The following CRADD variants were observed in gnomAD, a reference collection of about 807,000 sequenced individuals.
The protein encoded by CRADD is CARD and death domain containing adaptor protein.
CRADD carries 9 observed loss-of-function variants against 15.5 expected under a neutral mutation model. The ratio of observed to expected loss-of-function variants is 0.58; its 90% CI spans 0.35 to 1.01. The LOEUF (loss-of-function observed/expected upper bound fraction) is 1.01, where lower values mean the gene tolerates loss of function less well. Ranked by LOEUF, CRADD falls within the 50% of genes least tolerant of loss-of-function variation. The pLI is 0.02. For synonymous variants in CRADD, 118 were observed against 107.6 expected (o/e 1.10, Z -0.60); for missense variants, 227 against 250.3 (o/e 0.91, Z 0.63).
chr12:93,774,252 A>T (rs916063626), intron 2 of CRADD, among the ~76,000 whole-genome samples: 8 of 152,168 alleles, frequency 5.3e-5, no homozygotes, highest in Admixed American at 6.5e-5. Context: ...ATATAGTAAT[A>T]CTTGTTGAAT....
At chr12:93,747,828 C>T (rs971245940) in intron 2 of CRADD, among the ~76,000 whole-genome samples, 1 of 152,008 alleles carries the variant, frequency 6.6e-6, no homozygotes, top group African/African-American at 2.4e-5. Flanking sequence ...GGTGGCCTTA[C>T]ACTTCCCTCT....
At chr12:93,799,765 G>A (rs930185051) in intron 2 of CRADD, among the ~76,000 whole-genome samples, 22 of 152,190 alleles carry the variant, frequency 1.4e-4, no homozygotes, top group Admixed American at 1.3e-3. Flanking sequence ...TCTCATTGCT[G>A]TAGGGGTATA....
At chr12:93,791,100 A>T (rs1957344498) in intron 2 of CRADD, among the ~76,000 whole-genome samples, 1 of 152,168 alleles carries the variant, frequency 6.6e-6, no homozygotes, top group African/African-American at 2.4e-5. Flanking sequence ...CATTATGGAA[A>T]ACAGTATGGA....
chr12:93,824,231 A>G lies in CRADD; in HGVS notation c.299-25739A>G, dbSNP rs1489518924. On this transcript the variant is annotated intron_variant, in intron 2 of 2. Coordinates refer to ENST00000332896, the MANE Select transcript of CRADD (RefSeq NM_003805.5). The surrounding 1 kb of genome is among the most constrained non-coding windows in gnomAD (Gnocchi z 4.3). ...ACCCCGGTCTCATTTTCAGTGTCTC[A>G]GCATACTTTCCAATGCTTCCAGTAA... is the stretch of plus-strand genomic sequence containing the variant. 6.6e-6 allele frequency among the ~76,000 whole-genome samples: 1 copy of G among 152,204 alleles called. No individual in the cohort carries two copies. The highest frequency in any genetic ancestry group is 2.4e-5 in the African/African-American group (1 of 41,454).
rs550498030 is a variant in CRADD at position 93,800,750 on chromosome 12, G to T, written c.299-49220G>T. On this transcript the variant is annotated intron_variant, in intron 2 of 2. Coordinates refer to ENST00000332896, the MANE Select transcript of CRADD (RefSeq NM_003805.5). ...GTATCTTTATAGCTGTGTGAGAATG[G>T]ACTAATACAGTGAGGGTGATCTTTA... Among the ~76,000 whole-genome samples the T allele has an allele frequency of 1.3e-4, 20 of 152,270 alleles. No individual in the cohort carries two copies. In the South Asian group the frequency reaches 3.3e-3, roughly 25 times the overall value.
chr12:93,805,576 A>T, intron 2 of CRADD, among the ~76,000 whole-genome samples: 1 of 84,522 alleles, frequency 1.2e-5, no homozygotes, highest in South Asian at 3.1e-4. Flanking sequence ...TTTTGTGTGT[A>T]TAAATAAATA....
At chr12:93,829,944 G>A (rs1441465412) in intron 2 of CRADD, among the ~76,000 whole-genome samples, 6 of 152,102 alleles carry the variant, frequency 3.9e-5, no homozygotes, top group Admixed American at 1.3e-4. Flanking sequence ...CGCCCACCTC[G>A]GCCTCCCAAA....
At chr12:93,786,771 G>C (rs1957282641) in intron 2 of CRADD, among the ~76,000 whole-genome samples, 1 of 152,152 alleles carries the variant, frequency 6.6e-6, no homozygotes, top group South Asian at 2.1e-4. Flanking sequence ...GGAAACACGA[G>C]ACATCATTTT....
At chr12:93,839,076 G>A (rs1422317863) in intron 2 of CRADD, among the ~76,000 whole-genome samples, 1 of 152,050 alleles carries the variant, frequency 6.6e-6, no homozygotes, top group Non-Finnish European at 1.5e-5. Flanking sequence ...GCCCGGCCTG[G>A]ACATATATTC....
chr12:93,849,286 G>A (rs1337023412), intron 2 of CRADD: 4 of 152,258 alleles, frequency 2.6e-5, no homozygotes, highest in African/African-American at 9.7e-5. Flanking sequence ...GCCTTGCCTG[G>A]CCTTGAGTAA....
intron 2 of CRADD, among the ~76,000 whole-genome samples, chr12:93,807,444 C>G (rs78030660): frequency 0.019 from 2,963 of 152,142 alleles, 33 homozygotes; most frequent in African/African-American, 0.025. Flanking sequence ...TCTCAGTCCC[C>G]TTAATTCTTT....
At chr12:93,783,855 T>C (rs1445185597) in intron 2 of CRADD, among the ~76,000 whole-genome samples, 1 of 152,210 alleles carries the variant, frequency 6.6e-6, no homozygotes, top group East Asian at 1.9e-4. Context: ...CTATTTTGTT[T>C]ACTTACTGAA....
chr12:93,728,666 T>C (rs546090251), intron 2 of CRADD, among the ~76,000 whole-genome samples: 3 of 152,186 alleles, frequency 2.0e-5, no homozygotes, highest in Admixed American at 6.5e-5. Context: ...AACTAAGAAA[T>C]TGGAAGCCAG....
chr12:93,813,080 A>C (rs1031260728), intron 2 of CRADD, among the ~76,000 whole-genome samples: 2 of 152,282 alleles, frequency 1.3e-5, no homozygotes, highest in African/African-American at 4.8e-5. Flanking sequence ...ATTGTATCAC[A>C]AAGCATTAAG....
At chr12:93,844,017 T>C (rs904398391) in intron 2 of CRADD, among the ~76,000 whole-genome samples, 3 of 152,206 alleles carry the variant, frequency 2.0e-5, no homozygotes, top group Non-Finnish European at 4.4e-5. Flanking sequence ...CCACCGCACC[T>C]GGCCCTTTAA....
chr12:93,705,713 T>C (rs2033669), intron 2 of CRADD, among the ~76,000 whole-genome samples: 81,293 of 152,074 alleles, frequency 0.53, 22,191 homozygotes, highest in East Asian at 0.67. Context: ...GATGGAGCTG[T>C]TGATGTTCTC....
At chr12:93,894,274 G>T (rs540652731) in exon 3 of CRADD, 10 of 540,112 alleles carry the variant, frequency 1.9e-5, no homozygotes, top group Non-Finnish European at 3.4e-5. Context: ...GTGTGGGTGG[G>T]CGGGGGGCAG....
At chr12:93,750,297 C>T (rs963812329) in intron 2 of CRADD, among the ~76,000 whole-genome samples, 2 of 151,978 alleles carry the variant, frequency 1.3e-5, no homozygotes, top group African/African-American at 2.4e-5. Flanking sequence ...AGAAATGACC[C>T]GGAACTTGGT....
intron 2 of CRADD, among the ~76,000 whole-genome samples, chr12:93,703,997 T>C (rs1485062141): frequency 6.8e-6 from 1 of 147,712 alleles, no homozygotes; most frequent in Non-Finnish European, 1.5e-5. Flanking sequence ...TTTTTTTTTT[T>C]TTTGTAGAGA....
Sources: gnomAD v4.1 joint callset for allele counts (sites outside exome capture counted in the v4.1 genomes callset) on GRCh38, gnomAD v4.1.1 for gene constraint, Gnocchi (gnomAD v3.1) non-coding constraint, MANE v1.5 for transcripts, NCBI Gene and HGNC (gene_info 2026-07-23, HGNC 2026-07-21) for gene names.